Variants in FLT3 observed in about 807,000 individuals in gnomAD.
FLT3 encodes the protein fms related receptor tyrosine kinase 3.
FLT3 carries 46 observed loss-of-function variants against 126.6 expected under a neutral mutation model. That is an observed-to-expected ratio of 0.36 (90% CI 0.29 to 0.46). FLT3 has a LOEUF of 0.46. FLT3 is among the 20% of genes least tolerant of loss of function. FLT3 has a pLI of 1.00. For missense variants in FLT3, 1,069 were observed against 1,190.3 expected, an observed-to-expected ratio of 0.90 and a Z score of 1.50; for synonymous variants, 404 against 434.4, an observed-to-expected ratio of 0.93 and a Z score of 0.87.
chr13:28,006,645 ATC>A (rs145029416), intron 23 of FLT3, among the ~76,000 whole-genome samples: 5,312 of 151,718 alleles, frequency 0.035, 277 homozygotes, highest in African/African-American at 0.12. Flanking sequence ...ATCTCTGACA[ATC>A]TCTCTCCACT....
intron 1 of FLT3, among the ~76,000 whole-genome samples, chr13:28,087,590 CTTATTTT>C (rs1878758822): frequency 6.6e-6 from 1 of 152,152 alleles, no homozygotes; most frequent in African/African-American, 2.4e-5. Context: ...ATTTTCCTCC[CTTATTTT>C]TGACATATCT....
chr13:28,045,690 T>A (rs540328216), intron 9 of FLT3, among the ~76,000 whole-genome samples: 137 of 152,090 alleles, frequency 9.0e-4, no homozygotes, highest in Middle Eastern at 3.4e-3. Context: ...AGAAACCCCG[T>A]CTCTATTAAA....
At chr13:28,059,272 T>A (rs1365481126) in intron 3 of FLT3, among the ~76,000 whole-genome samples, 1 of 152,186 alleles carries the variant, frequency 6.6e-6, no homozygotes, top group East Asian at 1.9e-4. Flanking sequence ...GGGTACTGTT[T>A]ACTACATAGT....
chr13:28,078,614 C>T (rs1416797185), intron 1 of FLT3, among the ~76,000 whole-genome samples: 1 of 152,144 alleles, frequency 6.6e-6, no homozygotes. Context: ...GGCCTGGAGA[C>T]ATTTTCCCCA....
At chr13:28,014,616 C>CT (rs1264371083) in intron 22 of FLT3, 59 bp from the exon 23 acceptor site, 1 of 1,162,816 alleles carries the variant, frequency 8.6e-7, no homozygotes, top group East Asian at 2.4e-5. Flanking sequence ...CAAAATGGAT[C>CT]ATTTTCCATA....
Position 28,024,955 on chromosome 13 carries a change from T to A in FLT3, c.2208-12A>T, listed in dbSNP as rs756857154. On this transcript the variant is annotated splice_polypyrimidine_tract_variant and intron_variant, in intron 17 of 23. Coordinates refer to ENST00000241453, the MANE Select transcript of FLT3 (RefSeq NM_004119.3). ...TTGAACCAGGCATGCTATTAAAAAA[T>A]TTTGTTTTTTCATTATTTACATTAT... 11 of 1,582,554 alleles carry A rather than the reference T, an allele frequency of 7.0e-6. No homozygotes were observed. The highest frequency in any genetic ancestry group is 9.5e-6 in the Non-Finnish European group (11 of 1,160,262).
chr13:28,086,619 C>CGTGTGTGTGTAT (rs1555262638), intron 1 of FLT3, among the ~76,000 whole-genome samples: 49 of 134,726 alleles, frequency 3.6e-4, no homozygotes, highest in Non-Finnish European at 6.8e-4. Context: ...CTGAAGAACT[C>CGTGTGTGTGTAT]GTGTGTGTGT....
chr13:28,087,750 GT>G (rs1433600964), intron 1 of FLT3, among the ~76,000 whole-genome samples: 1 of 152,040 alleles, frequency 6.6e-6, no homozygotes, highest in Non-Finnish European at 1.5e-5. Flanking sequence ...GATAGTTTCT[GT>G]TGCTATGCCG....
intron 1 of FLT3, among the ~76,000 whole-genome samples, chr13:28,071,572 G>A (rs1448520176): frequency 7.9e-5 from 12 of 152,026 alleles, no homozygotes; most frequent in African/African-American, 2.4e-4. Flanking sequence ...ATCTTTGACA[G>A]TCTCTTCACA....
At chr13:28,037,563 G>C (rs747213306) in intron 9 of FLT3, among the ~76,000 whole-genome samples, 1 of 152,202 alleles carries the variant, frequency 6.6e-6, no homozygotes, top group African/African-American at 2.4e-5. Flanking sequence ...TGCATTTTAA[G>C]ATGATCACCA....
intron 4 of FLT3, among the ~76,000 whole-genome samples, chr13:28,055,940 G>A (rs939443616): frequency 6.6e-6 from 1 of 152,150 alleles, no homozygotes; most frequent in Non-Finnish European, 1.5e-5. Context: ...GCAACATAAG[G>A]TGATTCTCGG....
At chr13:28,047,752 T>A (rs1239250160) in intron 9 of FLT3, among the ~76,000 whole-genome samples, 1 of 151,642 alleles carries the variant, frequency 6.6e-6, no homozygotes, top group Non-Finnish European at 1.5e-5. Context: ...AAAAGAAAAT[T>A]TGTTGTTCTT....
intron 1 of FLT3, among the ~76,000 whole-genome samples, chr13:28,091,442 C>A (rs1283332610): frequency 6.7e-6 from 1 of 150,320 alleles, no homozygotes; most frequent in African/African-American, 2.4e-5. Context: ...AGGATGGTCT[C>A]GATCTCCTGA....
chr13:28,059,347 A>G (rs1485933795), intron 3 of FLT3, among the ~76,000 whole-genome samples: 1 of 152,156 alleles, frequency 6.6e-6, no homozygotes, highest in Non-Finnish European at 1.5e-5. Flanking sequence ...AATGTAAAAG[A>G]AAGGCTGCGT....
intron 8 of FLT3, 55 bp from the exon 9 acceptor site, chr13:28,048,498 T>C (rs1875110203): frequency 8.5e-7 from 1 of 1,169,978 alleles, no homozygotes; most frequent in South Asian, 1.3e-5. Flanking sequence ...TAGGGAAACG[T>C]ATTGAGAAGA....
At chr13:28,035,779 C>T in intron 11 of FLT3, 106 bp from the exon 12 acceptor site, 1 of 1,286,038 alleles carries the variant, frequency 7.8e-7, no homozygotes, top group Non-Finnish European at 1.1e-6. Flanking sequence ...TATAAGTTAT[C>T]AGAAACAGTC....
rs1308781393 is a variant in FLT3, at chr13:28,003,440, A to G, written c.*612T>C. 1 of 234,018 alleles carries G rather than the reference A, an allele frequency of 4.3e-6. No individual in the cohort carries two copies. Among genetic ancestry groups the G allele is most frequent in the East Asian group, 6.0e-5 (1 of 16,576 alleles). 14.5% of individuals were successfully genotyped at this position (234,018 alleles called of 1,614,324 possible). A position where few individuals can be genotyped will look rare whatever the true frequency, so the allele number is the denominator to read the frequency against. ...CAATACAACCCCTGTTGTTGCAGAA[A>G]TCTTAGGCTGTGACAACCATAGCTG... On this transcript the variant is annotated 3_prime_UTR_variant, in exon 24 of 24. Coordinates refer to ENST00000241453, the MANE Select transcript of FLT3 (RefSeq NM_004119.3).
At chr13:28,027,730 GAGA>G (rs1017473646) in intron 16 of FLT3, among the ~76,000 whole-genome samples, 3 of 152,340 alleles carry the variant, frequency 2.0e-5, no homozygotes, top group East Asian at 1.9e-4. Flanking sequence ...AGGCAGAAGA[GAGA>G]AGATCAGAGG....
At chr13:28,031,616 G>T (rs140832055) in intron 15 of FLT3, among the ~76,000 whole-genome samples, 21 of 152,292 alleles carry the variant, frequency 1.4e-4, no homozygotes, top group Non-Finnish European at 2.6e-4. Context: ...TATTGTCTGT[G>T]GTGTGAGACA....
Sources: allele counts gnomAD v4.1 joint callset (sites outside exome capture counted in the v4.1 genomes callset), GRCh38; gene constraint gnomAD v4.1.1; transcripts MANE v1.5; gene names NCBI Gene and HGNC (gene_info 2026-07-23, HGNC 2026-07-21).